The following USH2A variants were observed in gnomAD, a reference collection of about 807,000 sequenced individuals.
USH2A encodes the protein Usher syndrome 2A (autosomal recessive, mild).
In USH2A, 443 loss-of-function variants were observed where a neutral mutation model predicts 538.9. The observed-to-expected ratio is 0.82, with a 90% CI of 0.76 to 0.89. The LOEUF is 0.89. USH2A is among the 40% of genes least tolerant of loss of function. USH2A has a pLI of 0.00. For synonymous variants in USH2A, 2,413 were observed against 2,273.5 expected, an observed-to-expected ratio of 1.06 and a Z score of -1.75; for missense variants, 6,633 against 6,324.8, an observed-to-expected ratio of 1.05 and a Z score of -1.65.
In USH2A at chr1:215,640,561, T is replaced by G. The variant is rs770658506; in HGVS notation, c.14965A>C (p.Lys4989Gln). The change falls in exon 68 of 72, where the codon AAA (lysine) becomes CAA (glutamine). Residue 4989 changes from lysine to glutamine, a missense_variant. Lys to Gln is a moderately conservative substitution (Grantham distance 53, BLOSUM62 1). Transcript: ENST00000307340. ...TTLYIPRTADKTFFFQVICTT... is the reference protein window; with the variant it reads ...TTLYIPRTADQTFFFQVICTT... ...GAAACAGGAGTCAGAAACTAACTTT[T>G]GTCCGCCGTTCTCGGTATGTAGAGG... is the stretch of plus-strand genomic sequence containing the variant. 1.2e-6 allele frequency: 2 copies of G among 1,613,682 alleles called. No individual in the cohort carries two copies. Among genetic ancestry groups the G allele is most frequent in the Non-Finnish European group, 1.7e-6 (2 of 1,179,954 alleles).
At chr1:215,852,774 T>A (rs908161222) in intron 44 of USH2A, among the ~76,000 whole-genome samples, 5 of 152,220 alleles carry the variant, frequency 3.3e-5, no homozygotes, top group African/African-American at 1.2e-4. Flanking sequence ...AAGTCAAATC[T>A]TAAAGCTCCA....
intron 14 of USH2A, 64 bp from the exon 15 acceptor site, chr1:216,217,614 G>C: frequency 1.3e-6 from 2 of 1,580,366 alleles, no homozygotes; most frequent in Non-Finnish European, 1.7e-6. Context: ...CATAGTATAA[G>C]TTACACCTAC....
intron 48 of USH2A, among the ~76,000 whole-genome samples, chr1:215,814,711 C>G (rs911212801): frequency 6.6e-6 from 1 of 152,062 alleles, no homozygotes; most frequent in African/African-American, 2.4e-5. Context: ...AGTCATGCTT[C>G]CTGTTAAGTC....
chr1:215,728,405 C>T, intron 60 of USH2A, 21 bp from the exon 61 acceptor site: 1 of 1,610,044 alleles, frequency 6.2e-7, no homozygotes, highest in Non-Finnish European at 8.5e-7. Context: ...ACCAAGCAGG[C>T]AACCAGTGAC....
At chr1:215,872,760 T>C (rs1435228990) in intron 43 of USH2A, among the ~76,000 whole-genome samples, 1 of 152,046 alleles carries the variant, frequency 6.6e-6, no homozygotes, top group Non-Finnish European at 1.5e-5. Flanking sequence ...GAATCCCTTA[T>C]GAATGGCTTG....
chr1:216,187,966 C>T (rs1383538511), intron 20 of USH2A, among the ~76,000 whole-genome samples: 2 of 152,024 alleles, frequency 1.3e-5, no homozygotes, highest in African/African-American at 4.8e-5. Flanking sequence ...TATGAATAAA[C>T]TCTTATTTTT....
At chr1:216,259,284 T>C (rs531323866) in intron 11 of USH2A, among the ~76,000 whole-genome samples, 15 of 152,168 alleles carry the variant, frequency 9.9e-5, no homozygotes, top group African/African-American at 3.6e-4. Context: ...GCTGCACATG[T>C]GGTTGGGAGC....
chr1:215,896,463 C>G (rs1665343693), intron 40 of USH2A, among the ~76,000 whole-genome samples: 1 of 151,914 alleles, frequency 6.6e-6, no homozygotes, highest in African/African-American at 2.4e-5. Context: ...TTAAGAGAAA[C>G]AGATTATCTA....
chr1:215,709,734 T>C (rs1240809170), intron 61 of USH2A, among the ~76,000 whole-genome samples: 1 of 151,914 alleles, frequency 6.6e-6, no homozygotes, highest in African/African-American at 2.4e-5. Flanking sequence ...ATGATACCTA[T>C]GGTCATTGCC....
intron 4 of USH2A, among the ~76,000 whole-genome samples, chr1:216,346,545 C>T (rs1378243329): frequency 6.6e-6 from 1 of 152,028 alleles, no homozygotes; most frequent in Non-Finnish European, 1.5e-5. Flanking sequence ...TTATGGAATA[C>T]TTGGCTCTTT....
intron 37 of USH2A, among the ~76,000 whole-genome samples, chr1:215,955,379 CAT>C (rs1345900612): frequency 6.6e-6 from 1 of 152,148 alleles, no homozygotes; most frequent in Non-Finnish European, 1.5e-5. Context: ...AATAAAACAA[CAT>C]ATGATTCAAC....
At chr1:216,071,448 A>G (rs2031555023) in intron 29 of USH2A, among the ~76,000 whole-genome samples, 1 of 152,208 alleles carries the variant, frequency 6.6e-6, no homozygotes, top group Non-Finnish European at 1.5e-5. Context: ...GGCAAAGTAC[A>G]GTACAGTCTA....
chr1:216,034,923 T>C (rs1291926877), intron 32 of USH2A, among the ~76,000 whole-genome samples: 1 of 152,172 alleles, frequency 6.6e-6, no homozygotes, highest in Admixed American at 6.5e-5. Flanking sequence ...TAATCACTCC[T>C]ATAAAGAATC....
At chr1:216,036,870 T>A (rs1017329999) in intron 32 of USH2A, among the ~76,000 whole-genome samples, 2 of 152,046 alleles carry the variant, frequency 1.3e-5, no homozygotes, top group Non-Finnish European at 2.9e-5. Context: ...TTACTCTCCC[T>A]CCTATATCTC....
intron 33 of USH2A, among the ~76,000 whole-genome samples, chr1:215,999,380 A>G (rs1668213665): frequency 6.6e-6 from 1 of 152,122 alleles, no homozygotes; most frequent in Non-Finnish European, 1.5e-5. Context: ...GAGAACTTAG[A>G]TATGGGGAAA....
At chr1:215,630,513 T>TG (rs1340624268) in intron 70 of USH2A, among the ~76,000 whole-genome samples, 8 of 105,028 alleles carry the variant, frequency 7.6e-5, no homozygotes, top group African/African-American at 2.4e-4. Context: ...TATATATATA[T>TG]ATATATATAT....
chr1:216,352,004 C>T (rs981745548), intron 4 of USH2A, among the ~76,000 whole-genome samples: 25 of 152,016 alleles, frequency 1.6e-4, no homozygotes, highest in Non-Finnish European at 2.9e-5. Flanking sequence ...AAACCAGTTC[C>T]ATTTTGAAAA....
chr1:215,912,493 G>GTATA (rs1234666784), intron 38 of USH2A, among the ~76,000 whole-genome samples: 1 of 22,100 alleles, frequency 4.5e-5, no homozygotes, highest in Non-Finnish European at 1.0e-4. Flanking sequence ...ATATATATGT[G>GTATA]TATATATATA....
chr1:215,682,858 TTTATTTAA>T (rs1421986154), intron 61 of USH2A, among the ~76,000 whole-genome samples: 1 of 151,800 alleles, frequency 6.6e-6, no homozygotes, highest in Non-Finnish European at 1.5e-5. Flanking sequence ...TATTTATTTA[TTTATTTAA>T]TTTATTATTA....
Sources: allele counts gnomAD v4.1 joint callset (sites outside exome capture counted in the v4.1 genomes callset), GRCh38; gene constraint gnomAD v4.1.1; transcripts MANE v1.5; gene names NCBI Gene and HGNC (gene_info 2026-07-23, HGNC 2026-07-21).